The following SHISA9 variants were observed in gnomAD, a reference collection of about 807,000 sequenced individuals.
The protein encoded by SHISA9 is shisa family member 9.
In SHISA9, 13 loss-of-function variants were observed where a neutral mutation model predicts 38.0. The observed-to-expected ratio is 0.34, with a 90% CI of 0.22 to 0.54. The LOEUF is 0.54. Among genes scored for constraint, SHISA9 ranks in the 20% least tolerant of loss-of-function variants. SHISA9 has a pLI of 0.91. For missense variants in SHISA9, 538 were observed against 575.8 expected, an observed-to-expected ratio of 0.93 and a Z score of 0.67; for synonymous variants, 275 against 242.0, an observed-to-expected ratio of 1.14 and a Z score of -1.27.
At chr16:13,484,368 C>A in the SHISA9 span, among the ~76,000 whole-genome samples, 1 of 152,136 alleles carries the variant, frequency 6.6e-6, no homozygotes, top group Admixed American at 6.5e-5. Flanking sequence ...CCCACATCAG[C>A]ACAATGGGCA....
At chr16:13,094,514 G>A (rs1406048064) in intron 2 of SHISA9, among the ~76,000 whole-genome samples, 3 of 152,080 alleles carry the variant, frequency 2.0e-5, no homozygotes, top group East Asian at 1.9e-4. Flanking sequence ...TTGTAACTGT[G>A]CCTAAAATAG....
At chr16:12,950,840 C>G (rs907219960) in intron 2 of SHISA9, among the ~76,000 whole-genome samples, 2 of 151,316 alleles carry the variant, frequency 1.3e-5, no homozygotes, top group African/African-American at 4.9e-5. Flanking sequence ...GATCTCCTGA[C>G]CTTGTGATCC....
At chr16:12,996,478 C>T (rs2072458868) in intron 2 of SHISA9, among the ~76,000 whole-genome samples, 1 of 152,194 alleles carries the variant, frequency 6.6e-6, no homozygotes, top group South Asian at 2.1e-4. Context: ...TACCATCTTT[C>T]CCAGGTCAGC....
At chr16:13,384,778 A>C in the SHISA9 span, among the ~76,000 whole-genome samples, 7 of 152,356 alleles carry the variant, frequency 4.6e-5, 1 homozygote, top group South Asian at 1.5e-3. Context: ...ATTAATATTT[A>C]AATACATTTG....
the SHISA9 span, among the ~76,000 whole-genome samples, chr16:13,550,927 G>T: frequency 3.1e-4 from 47 of 152,168 alleles, no homozygotes; most frequent in Middle Eastern, 3.4e-3. Flanking sequence ...TTCGAGACCA[G>T]CCTGGCCAAC....
chr16:13,008,854 A>C (rs2141849991), intron 2 of SHISA9, among the ~76,000 whole-genome samples: 1 of 152,202 alleles, frequency 6.6e-6, no homozygotes, highest in Middle Eastern at 3.4e-3. Flanking sequence ...CAATGTGAGA[A>C]CAGACTAATA....
intron 2 of SHISA9, among the ~76,000 whole-genome samples, chr16:13,109,843 C>T (rs1352637676): frequency 6.6e-6 from 1 of 152,146 alleles, no homozygotes; most frequent in Non-Finnish European, 1.5e-5. Flanking sequence ...GGTATAAATT[C>T]TTCATTTTTT....
the SHISA9 span, among the ~76,000 whole-genome samples, chr16:13,498,637 A>G: frequency 6.6e-6 from 1 of 152,078 alleles, no homozygotes; most frequent in Non-Finnish European, 1.5e-5. Context: ...GGCACCTGTA[A>G]TCCCAACTAC....
chr16:13,211,462 G>A (rs4781436), intron 3 of SHISA9, among the ~76,000 whole-genome samples: 3,030 of 151,904 alleles, frequency 0.02, 48 homozygotes, highest in Non-Finnish European at 0.028. Flanking sequence ...TAAAAAAAAA[G>A]CATACACTTG....
rs58309847 is a variant in SHISA9, at chr16:12,974,479, G to GT, written c.691+57691dup. 9.9e-3 allele frequency among the ~76,000 whole-genome samples: 912 copies of GT among 91,774 alleles called. 62 individuals are homozygous for GT. Among genetic ancestry groups the GT allele is most frequent in the African/African-American group, 0.016 (378 of 23,256 alleles). The allele number at this position is 91,774 out of a possible 152,430, so 60.2% of individuals were successfully genotyped here. A position where few individuals can be genotyped will look rare whatever the true frequency, so the allele number is the denominator to read the frequency against. On this transcript the variant is annotated intron_variant, in intron 2 of 4. Transcript: ENST00000558583. Reference sequence around the variant, plus strand: ...CATGGCTAGCAAGTGATTTCTGGTGGTTTTTTTTTTTTTTTTTTTTTTTTT... The same window carrying GT: ...CATGGCTAGCAAGTGATTTCTGGTGGTTTTTTTTTTTTTTTTTTTTTTTTTT...
chr16:13,296,276 TG>T, the SHISA9 span, among the ~76,000 whole-genome samples: 8 of 151,998 alleles, frequency 5.3e-5, no homozygotes, highest in Non-Finnish European at 1.2e-4. Flanking sequence ...AAACAGATGC[TG>T]GGATTTCTGA....
chr16:13,428,175 T>C, the SHISA9 span, among the ~76,000 whole-genome samples: 1 of 141,684 alleles, frequency 7.1e-6, no homozygotes, highest in African/African-American at 2.6e-5. Flanking sequence ...TGAAAGGGAC[T>C]GCCATATGGG....
At chr16:13,116,610 A>T (rs1279451434) in intron 2 of SHISA9, among the ~76,000 whole-genome samples, 12 of 152,156 alleles carry the variant, frequency 7.9e-5, no homozygotes, top group Non-Finnish European at 1.6e-4. Flanking sequence ...GTGCATTTGA[A>T]TCCCATCATT....
At chr16:13,229,158 T>C (rs2051307288) in intron 4 of SHISA9, among the ~76,000 whole-genome samples, 1 of 152,174 alleles carries the variant, frequency 6.6e-6, no homozygotes, top group South Asian at 2.1e-4. Context: ...AGACACTGTC[T>C]CAAAAAAAAT....
At chr16:13,388,381 G>A in the SHISA9 span, among the ~76,000 whole-genome samples, 42 of 150,644 alleles carry the variant, frequency 2.8e-4, no homozygotes, top group Non-Finnish European at 4.9e-4. Context: ...GCTCAATCTC[G>A]GCTCACTGCA....
chr16:13,354,521 A>G, the SHISA9 span, among the ~76,000 whole-genome samples: 112,033 of 148,652 alleles, frequency 0.75, 42,882 homozygotes, highest in East Asian at 0.96. Flanking sequence ...TGAAGGAGCC[A>G]GGGAGCAGAA....
downstream of SHISA9, among the ~76,000 whole-genome samples, chr16:13,241,032 T>C (rs2051431212): frequency 6.6e-6 from 1 of 152,202 alleles, no homozygotes; most frequent in Admixed American, 6.5e-5. Context: ...TGGAGTTTCA[T>C]GCTGCAGGGA....
intron 1 of SHISA9, among the ~76,000 whole-genome samples, chr16:12,912,854 A>G (rs926868780): frequency 9.2e-5 from 14 of 152,070 alleles, no homozygotes; most frequent in Non-Finnish European, 1.8e-4. Flanking sequence ...TTCCAGTTCC[A>G]TTGGCCTTCT....
chr16:13,357,771 TG>T, the SHISA9 span, among the ~76,000 whole-genome samples: 1 of 120,036 alleles, frequency 8.3e-6, no homozygotes, highest in African/African-American at 3.2e-5. Flanking sequence ...CGGGTAGGAG[TG>T]GGGGTCGCAA....
Sources: gnomAD v4.1 joint callset for allele counts (sites outside exome capture counted in the v4.1 genomes callset) on GRCh38, gnomAD v4.1.1 for gene constraint, MANE v1.5 for transcripts, NCBI Gene and HGNC (gene_info 2026-07-23, HGNC 2026-07-21) for gene names.